The following TLR3 variants were observed in gnomAD, a reference collection of about 807,000 sequenced individuals.
TLR3 encodes the protein toll-like receptor 3.
Under a neutral mutation model 66.4 loss-of-function variants are expected in TLR3, and 43 were observed. The ratio of observed to expected loss-of-function variants is 0.65; its 90% CI spans 0.51 to 0.83. TLR3 has a LOEUF of 0.83. TLR3 is among the 40% of genes least tolerant of loss of function. The pLI, the probability that TLR3 is intolerant of heterozygous loss-of-function variation, is 0.00. For missense variants in TLR3, 982 were observed against 1,044.6 expected (o/e 0.94, Z 0.83); for synonymous variants, 397 against 397.2 (o/e 1.00, Z 0.01).
chr4:186,076,339 C>T (rs983631856), intron 1 of TLR3, among the ~76,000 whole-genome samples: 1 of 152,000 alleles, frequency 6.6e-6, no homozygotes, highest in African/African-American at 2.4e-5. Flanking sequence ...CAGATAGAAC[C>T]TATCAAAAGA....
rs755720044 is a variant in TLR3 at position 186,078,856 on chromosome 4, A to C, written c.458A>C (p.Asp153Ala). ...FVKQKNLITL[D>A]LSHNGLSSTK... ...TCCCTTCAGAATTTAATCACATTAG[A>C]TCTGTCTCATAATGGCTTGTCATCT... The change falls in exon 3 of 5, where the codon GAT (aspartate) becomes GCT (alanine). Residue 153 changes from aspartate (D) to alanine (A), a missense_variant. Asp to Ala is a moderately radical substitution (Grantham distance 126, BLOSUM62 -2). This residue lies in a region of TLR3 where 313 missense variants were observed against 319.0 expected (regional missense o/e 0.98). Coordinates refer to ENST00000296795, the MANE Select transcript of TLR3 (RefSeq NM_003265.3). 62 of 1,613,844 alleles carry C rather than the reference A, an allele frequency of 3.8e-5. No homozygotes were observed. The highest frequency in any genetic ancestry group is 6.8e-6 in the Non-Finnish European group (8 of 1,179,916).
At position 186,086,544 on chromosome 4, in the gene TLR3, A is replaced by C. The variant is rs987995495; in HGVS notation, c.*1671A>C. On this transcript the variant is annotated 3_prime_UTR_variant, in exon 5 of 5. Transcript: ENST00000296795. The stretch of plus-strand genomic sequence containing the variant: ...TATTTGCCACCCTGACAGCTGAGAC[A>C]CTGCTTTTCAGCATTTTAGTTAAGA... The C allele has an allele frequency of 1.3e-5, 2 of 152,252 alleles. No homozygotes were observed. Among genetic ancestry groups the C allele is most frequent in the African/African-American group, 4.8e-5 (2 of 41,466 alleles). The allele number at this position is 152,252 out of a possible 1,614,324, so 9.4% of individuals were successfully genotyped here. A position where few individuals can be genotyped will look rare whatever the true frequency, so the allele number is the denominator to read the frequency against.
At chr4:186,073,024 G>A (rs13126816) in intron 1 of TLR3, among the ~76,000 whole-genome samples, 31,526 of 152,168 alleles carry the variant, frequency 0.21, 3,602 homozygotes, top group Admixed American at 0.28. Context: ...AGAAGAGCAA[G>A]ATGGGAGGTT....
At position 186,077,723 on chromosome 4, in the gene TLR3, A is replaced by G. The variant is rs192713984; in HGVS notation, c.441+663A>G. On this transcript the variant is annotated intron_variant, in intron 2 of 4. Transcript: ENST00000296795. ...GTAATTATCATATCCATCATCTCAA[A>G]TGTTTCTCATTTGTGTTGTGAACAT... 7.2e-4 allele frequency among the ~76,000 whole-genome samples: 110 copies of G among 152,228 alleles called. 1 individual carries two copies. In the South Asian group the frequency reaches 0.022, roughly 30 times the overall value.
chr4:186,072,080 A>G (rs575662884), intron 1 of TLR3, among the ~76,000 whole-genome samples: 1 of 152,350 alleles, frequency 6.6e-6, no homozygotes, highest in African/African-American at 2.4e-5. Context: ...GTATGAGTGC[A>G]TTCTCACATT....
intron 1 of TLR3, among the ~76,000 whole-genome samples, chr4:186,076,309 G>A (rs80016992): frequency 7.6e-4 from 116 of 152,294 alleles, no homozygotes; most frequent in African/African-American, 2.7e-3. Flanking sequence ...TTAAGTTTAT[G>A]GAGGTAATCA....
At position 186,087,596 on chromosome 4, in the gene TLR3, C is replaced by T. The variant is rs970716758; in HGVS notation, c.*2723C>T. ...AATCGACACTGAGTTTAAAATAAAT[C>T]TTGGTATTTAGGTTGTACCTAAAAA... On this transcript the variant is annotated 3_prime_UTR_variant, in exon 5 of 5. Coordinates refer to ENST00000296795, the MANE Select transcript of TLR3 (RefSeq NM_003265.3). 2.0e-5 allele frequency: 3 copies of T among 152,134 alleles called. No individual in the cohort carries two copies. The highest frequency in any genetic ancestry group is 7.2e-5 in the African/African-American group (3 of 41,420). The allele number at this position is 152,134 out of a possible 1,614,324, so 9.4% of individuals were successfully genotyped here.
At position 186,083,072 on chromosome 4, in the gene TLR3, T is replaced by C; in HGVS notation, c.1386T>C (p.Tyr462=). The stretch of plus-strand genomic sequence containing the variant: ...GTCTAGAAAATATTTTCGAAATCTA[T>C]CTTTCCTACAACAAGTACCTGCAGC... The part of the protein sequence containing the change: ...WRGLENIFEI[Y]LSYNKYLQLT... Residue 462 remains tyrosine, a synonymous_variant, in exon 4 of 5, where the codon TAT becomes TAC. Transcript: ENST00000296795. The surrounding 1 kb of genome is among the most constrained non-coding windows in gnomAD (Gnocchi z 4.0). 3 of 1,614,168 alleles carry C rather than the reference T, an allele frequency of 1.9e-6. No homozygotes were observed. The highest frequency in any genetic ancestry group is 2.5e-6 in the Non-Finnish European group (3 of 1,180,028).
intron 1 of TLR3, among the ~76,000 whole-genome samples, chr4:186,073,903 TG>T (rs201856565): frequency 0.15 from 23,400 of 152,046 alleles, 2,061 homozygotes; most frequent in East Asian, 0.23. Context: ...ATCTAATAGA[TG>T]AGCAAAATAT....
intron 2 of TLR3, among the ~76,000 whole-genome samples, 155 bp from the exon 3 acceptor site, chr4:186,078,685 T>G (rs545123577): frequency 1.3e-5 from 2 of 152,322 alleles, no homozygotes; most frequent in African/African-American, 4.8e-5. Flanking sequence ...ATTAATCAGA[T>G]CAAAGATTTT....
In TLR3 at chr4:186,086,559, T is replaced by G. The variant is rs1376807910; in HGVS notation, c.*1686T>G. On this transcript the variant is annotated 3_prime_UTR_variant, in exon 5 of 5. Transcript: ENST00000296795. ...CAGCTGAGACACTGCTTTTCAGCATTTTAGTTAAGATTTGCTTTTTAACTG... is the reference window on the plus strand; with the variant it reads ...CAGCTGAGACACTGCTTTTCAGCATGTTAGTTAAGATTTGCTTTTTAACTG... 1 of 152,226 alleles carries G rather than the reference T, an allele frequency of 6.6e-6. No individual in the cohort carries two copies. Among genetic ancestry groups the G allele is most frequent in the Non-Finnish European group, 1.5e-5 (1 of 68,042 alleles). 9.4% of individuals were successfully genotyped at this position (152,226 alleles called of 1,614,324 possible).
intron 1 of TLR3, among the ~76,000 whole-genome samples, chr4:186,073,394 C>T (rs939460189): frequency 2.6e-5 from 4 of 152,052 alleles, no homozygotes; most frequent in Non-Finnish European, 5.9e-5. Context: ...GTGGCGCGTG[C>T]CTGTAGTCCC....
At chr4:186,079,100 C>T in intron 3 of TLR3, 69 bp downstream of exon 3, 2 of 1,341,650 alleles carry the variant, frequency 1.5e-6, no homozygotes, top group Admixed American at 3.8e-5. Context: ...GTGTCACATA[C>T]ACAGGAATGT....
At chr4:186,081,547 G>GCCGTCAC (rs2099303473) in intron 3 of TLR3, 1 of 152,226 alleles carries the variant, frequency 6.6e-6, no homozygotes, top group South Asian at 2.1e-4. Context: ...AGGAAAGTGT[G>GCCGTCAC]CCGTCACCGC....
chr4:186,084,729 T>C lies in TLR3; in HGVS notation c.2571T>C (p.Asp857=), dbSNP rs755274011. 5 of 1,614,100 alleles carry C rather than the reference T, an allele frequency of 3.1e-6. No homozygotes were observed. In the South Asian group the frequency reaches 5.5e-5, roughly 18 times the overall value. The change falls in exon 5 of 5, where the codon GAT becomes GAC. Residue 857 remains aspartate, a synonymous_variant. Transcript: ENST00000296795. ...IILVFLEEIP[D]YKLNHALCLR... is the part of the protein sequence containing the mutation. ...TGGTTTTCCTTGAGGAGATTCCAGA[T>C]TATAAACTGAACCATGCACTCTGTT...
intron 3 of TLR3, chr4:186,081,827 A>C (rs1460274363): frequency 1.2e-5 from 2 of 160,230 alleles, no homozygotes; most frequent in Admixed American, 6.1e-5. Context: ...CTGGAGTAAG[A>C]GGTGGGCGCT....
chr4:186,071,636 G>A (rs1437742689), intron 1 of TLR3, among the ~76,000 whole-genome samples: 1 of 152,184 alleles, frequency 6.6e-6, no homozygotes, highest in Non-Finnish European at 1.5e-5. Context: ...TAGTGCCAGA[G>A]TTGTAAAGGC....
chr4:186,080,785 T>A (rs2099303288), intron 3 of TLR3, among the ~76,000 whole-genome samples: 1 of 151,932 alleles, frequency 6.6e-6, no homozygotes, highest in South Asian at 2.1e-4. Flanking sequence ...AGAGACAGGA[T>A]TTCACCGTGT....
chr4:186,076,839 T>A lies in TLR3; in HGVS notation c.220T>A (p.Tyr74Asn). ...RRLPAANFTR[Y>N]SQLTSLDVGF... is the part of the protein sequence containing the mutation. ...ATTACCAGCCGCCAACTTCACAAGG[T>A]ATAGCCAGCTAACTAGCTTGGATGT... Residue 74 changes from tyrosine to asparagine, a missense_variant, in exon 2 of 5, where the codon TAT (tyrosine) becomes AAT (asparagine). Coordinates refer to ENST00000296795, the MANE Select transcript of TLR3 (RefSeq NM_003265.3). 1 of 1,614,182 alleles carries A rather than the reference T, an allele frequency of 6.2e-7. No homozygotes were observed. Among genetic ancestry groups the A allele is most frequent in the Non-Finnish European group, 8.5e-7 (1 of 1,180,040 alleles).
Sources: allele counts gnomAD v4.1 joint callset (sites outside exome capture counted in the v4.1 genomes callset), GRCh38; gene constraint gnomAD v4.1.1; regional missense constraint gnomAD v4.1.1; non-coding constraint Gnocchi (gnomAD v3.1); transcripts MANE v1.5; gene names NCBI Gene and HGNC (gene_info 2026-07-23, HGNC 2026-07-21).